Variants in USH2A observed in about 807,000 individuals in gnomAD.
USH2A encodes Usher syndrome 2A (autosomal recessive, mild).
A neutral mutation model predicts 538.9 loss-of-function variants in USH2A; 443 were observed. The observed-to-expected ratio is 0.82, with a 90% CI of 0.76 to 0.89. USH2A has a LOEUF of 0.89. Ranked by LOEUF, USH2A falls within the 40% of genes least tolerant of loss-of-function variation. The pLI, the probability that USH2A is intolerant of heterozygous loss-of-function variation, is 0.00. For synonymous variants in USH2A, 2,413 were observed against 2,273.5 expected (o/e 1.06, Z -1.75); for missense variants, 6,633 against 6,324.8 (o/e 1.05, Z -1.65).
intron 8 of USH2A, 96 bp downstream of exon 8, chr1:216,323,378 T>A: frequency 8.0e-7 from 1 of 1,247,958 alleles, no homozygotes; most frequent in Non-Finnish European, 1.2e-6. Flanking sequence ...TTTCAAAATG[T>A]AAAGCTTGAA....
intron 4 of USH2A, among the ~76,000 whole-genome samples, chr1:216,363,060 G>A (rs1317152165): frequency 1.3e-5 from 2 of 151,554 alleles, no homozygotes; most frequent in East Asian, 1.9e-4. Flanking sequence ...TTTAGTGTGC[G>A]AAAATATAAA....
chr1:216,280,781 C>T (rs1309633557), intron 11 of USH2A, among the ~76,000 whole-genome samples: 3 of 152,164 alleles, frequency 2.0e-5, no homozygotes, highest in South Asian at 2.1e-4. Flanking sequence ...ATGACAAGTG[C>T]CAAAGGGAAA....
At chr1:216,350,703 C>A (rs2038265053) in intron 4 of USH2A, among the ~76,000 whole-genome samples, 1 of 152,122 alleles carries the variant, frequency 6.6e-6, no homozygotes, top group Admixed American at 6.5e-5. Flanking sequence ...CAGGGCTTAG[C>A]TCCAGTGGCT....
intron 37 of USH2A, among the ~76,000 whole-genome samples, chr1:215,955,608 G>T (rs1303177478): frequency 1.3e-5 from 2 of 151,948 alleles, no homozygotes; most frequent in Non-Finnish European, 2.9e-5. Context: ...TTGCTAGAAG[G>T]AAAAACATAA....
chr1:215,651,294 C>T (rs532874885), intron 64 of USH2A, among the ~76,000 whole-genome samples: 20 of 152,244 alleles, frequency 1.3e-4, no homozygotes, highest in Non-Finnish European at 2.4e-4. Flanking sequence ...TAATTAAACA[C>T]GAATATCCTA....
chr1:215,670,489 T>A (rs1657779568), intron 64 of USH2A, among the ~76,000 whole-genome samples: 2 of 152,210 alleles, frequency 1.3e-5, no homozygotes, highest in African/African-American at 4.8e-5. Flanking sequence ...TTTTAGGCCA[T>A]CCTCAGAGAA....
chr1:215,952,698 A>G (rs974881360), intron 37 of USH2A, among the ~76,000 whole-genome samples: 15 of 152,270 alleles, frequency 9.9e-5, no homozygotes, highest in Non-Finnish European at 1.8e-4. Context: ...AAGAATGTTG[A>G]ATATTGGCCC....
intron 38 of USH2A, among the ~76,000 whole-genome samples, chr1:215,916,599 C>T (rs1481063049): frequency 6.6e-6 from 1 of 152,048 alleles, no homozygotes; most frequent in African/African-American, 2.4e-5. Flanking sequence ...CAGATTTCAC[C>T]TAGGTCCAGT....
chr1:215,806,610 T>C (rs190498466), intron 49 of USH2A, among the ~76,000 whole-genome samples: 5 of 152,252 alleles, frequency 3.3e-5, no homozygotes, highest in Middle Eastern at 3.4e-3. Context: ...ACTTGGTCCA[T>C]TGTATCTACA....
chr1:216,151,355 C>T (rs1360124371), intron 21 of USH2A, among the ~76,000 whole-genome samples: 1 of 152,186 alleles, frequency 6.6e-6, no homozygotes, highest in Non-Finnish European at 1.5e-5. Context: ...GCCAATTGGA[C>T]AGCCACATGT....
chr1:216,208,424 A>T (rs1484178171), intron 15 of USH2A, among the ~76,000 whole-genome samples: 2 of 152,140 alleles, frequency 1.3e-5, no homozygotes, highest in Admixed American at 6.5e-5. Flanking sequence ...AATGTAAGGT[A>T]CAGAAAAGAA....
chr1:215,652,975 A>G (rs957687853), intron 64 of USH2A, among the ~76,000 whole-genome samples: 1 of 152,214 alleles, frequency 6.6e-6, no homozygotes, highest in Admixed American at 6.5e-5. Flanking sequence ...CTGTGCACCA[A>G]TAGGAGATGG....
In USH2A at chr1:215,628,833, A is replaced by C; in HGVS notation, c.15500T>G (p.Met5167Arg). 2 of 1,614,182 alleles carry C rather than the reference A, an allele frequency of 1.2e-6. No homozygotes were observed. Among genetic ancestry groups the C allele is most frequent in the Non-Finnish European group, 1.7e-6 (2 of 1,180,038 alleles). The change falls in exon 71 of 72, where the codon ATG becomes AGG. Residue 5167 changes from methionine (M) to arginine (R), a missense_variant. Physicochemically the swap from Met to Arg is moderately conservative, Grantham distance 91. Coordinates refer to ENST00000307340, the MANE Select transcript of USH2A (RefSeq NM_206933.4). The stretch of plus-strand genomic sequence containing the variant: ...ACTCACCAGTCCACTGTTGTGGCCC[A>C]TGATGGCTTCCCACAGTGAGTTGTC... ...LMDNSLWEAI[M>R]GHNSGLYVDE...
intron 4 of USH2A, among the ~76,000 whole-genome samples, chr1:216,356,625 G>A (rs1312289863): frequency 6.6e-6 from 1 of 151,906 alleles, no homozygotes; most frequent in Non-Finnish European, 1.5e-5. Flanking sequence ...TGAACCCATT[G>A]CCATGTACAT....
intron 64 of USH2A, among the ~76,000 whole-genome samples, chr1:215,661,046 T>G (rs570930154): frequency 2.8e-4 from 43 of 152,340 alleles, no homozygotes; most frequent in African/African-American, 1.0e-3. Context: ...AGTCTTCAGA[T>G]TTACTTAGTG....
At chr1:216,104,055 T>A (rs948123765) in intron 21 of USH2A, among the ~76,000 whole-genome samples, 1 of 151,960 alleles carries the variant, frequency 6.6e-6, no homozygotes, top group Non-Finnish European at 1.5e-5. Context: ...ATTTTTTTTT[T>A]AATTTAAAGT....
intron 32 of USH2A, among the ~76,000 whole-genome samples, chr1:216,043,286 T>C (rs968043580): frequency 4.6e-5 from 7 of 152,088 alleles, no homozygotes; most frequent in Non-Finnish European, 8.8e-5. Flanking sequence ...CATGTGCATC[T>C]TTGAACCCCA....
chr1:216,407,914 C>T (rs1373798389), intron 3 of USH2A, among the ~76,000 whole-genome samples: 1 of 149,532 alleles, frequency 6.7e-6, no homozygotes, highest in Non-Finnish European at 1.5e-5. Flanking sequence ...ATTTTCAAGA[C>T]TAGAGATTGT....
intron 61 of USH2A, among the ~76,000 whole-genome samples, chr1:215,682,885 A>AT (rs1658285204): frequency 6.6e-6 from 1 of 151,326 alleles, no homozygotes; most frequent in South Asian, 2.1e-4. Flanking sequence ...TATTATTCTT[A>AT]TTTTTTGGCT....
Sources: allele counts gnomAD v4.1 joint callset (sites outside exome capture counted in the v4.1 genomes callset), GRCh38; gene constraint gnomAD v4.1.1; transcripts MANE v1.5; gene names NCBI Gene and HGNC (gene_info 2026-07-23, HGNC 2026-07-21).